Variants in PRKN observed in about 807,000 individuals in gnomAD.
PRKN encodes the protein parkin RBR E3 ubiquitin protein ligase, also known as E3 ubiquitin-protein ligase parkin.
A neutral mutation model predicts 59.5 loss-of-function variants in PRKN; 56 were observed. The observed-to-expected ratio is 0.94, with a 90% CI of 0.76 to 1.18. The LOEUF (loss-of-function observed/expected upper bound fraction) is 1.18. Among genes scored for constraint, PRKN ranks in the 50% most tolerant of loss-of-function variants. The pLI, the probability that PRKN is intolerant of heterozygous loss-of-function variation, is 0.00. For synonymous variants in PRKN, 250 were observed against 222.1 expected, an observed-to-expected ratio of 1.13 and a Z score of -1.12; for missense variants, 657 against 596.4, an observed-to-expected ratio of 1.10 and a Z score of -1.06.
intron 1 of PRKN, among the ~76,000 whole-genome samples, chr6:162,498,393 CTTTTTTTTTTTTT>C (rs60024002): frequency 9.3e-5 from 2 of 21,564 alleles, no homozygotes; most frequent in Non-Finnish European, 1.9e-4. Context: ...TCTTTCTTTC[CTTTTTTTTTTTTT>C]TTTTTTTTTG....
At chr6:162,023,099 T>G (rs113457354) in intron 5 of PRKN, among the ~76,000 whole-genome samples, 4,527 of 152,010 alleles carry the variant, frequency 0.03, 230 homozygotes, top group African/African-American at 0.1. Flanking sequence ...GGCTTGCTTC[T>G]TCAGAGCCCT....
At chr6:161,877,907 A>T (rs182810120) in intron 6 of PRKN, among the ~76,000 whole-genome samples, 37 of 151,968 alleles carry the variant, frequency 2.4e-4, no homozygotes, top group African/African-American at 8.7e-4. Flanking sequence ...ACAGTGACAC[A>T]CTCCCATATA....
chr6:161,789,462 T>A (rs577040807), intron 6 of PRKN, among the ~76,000 whole-genome samples: 1 of 152,182 alleles, frequency 6.6e-6, no homozygotes, highest in East Asian at 1.9e-4. Flanking sequence ...TACACCTAGA[T>A]GCATGCTCTT....
At chr6:162,473,544 C>T (rs1791862348) in intron 1 of PRKN, among the ~76,000 whole-genome samples, 1 of 151,758 alleles carries the variant, frequency 6.6e-6, no homozygotes, top group South Asian at 2.1e-4. Flanking sequence ...TTCTGGTGGC[C>T]ATGATAAAAA....
In PRKN at chr6:161,593,792, T is replaced by G. The variant is rs780274911; in HGVS notation, c.872-24376A>C. Reference sequence around the variant, plus strand: ...GTAGCCAAGAGAAGAAGGTGAGTGTTTGGAGAGTAGAGAGTGACACACCAA... The same window carrying G: ...GTAGCCAAGAGAAGAAGGTGAGTGTGTGGAGAGTAGAGAGTGACACACCAA... On this transcript the variant is annotated intron_variant, in intron 7 of 11. Transcript: ENST00000366898. The surrounding 1 kb of genome is among the most constrained non-coding windows in gnomAD (Gnocchi z 4.8). 6.6e-6 allele frequency among the ~76,000 whole-genome samples: 1 copy of G among 151,862 alleles called. No homozygotes were observed. Among genetic ancestry groups the G allele is most frequent in the Non-Finnish European group, 1.5e-5 (1 of 67,932 alleles).
intron 7 of PRKN, among the ~76,000 whole-genome samples, chr6:161,577,691 T>A (rs1781185172): frequency 6.6e-6 from 1 of 152,326 alleles, no homozygotes; most frequent in East Asian, 1.9e-4. Flanking sequence ...CAGCATAGTG[T>A]GTATGAAGCT....
At chr6:162,645,773 G>A (rs979951269) in intron 1 of PRKN, among the ~76,000 whole-genome samples, 3 of 151,180 alleles carry the variant, frequency 2.0e-5, no homozygotes, top group Non-Finnish European at 4.4e-5. Context: ...TACTCTACGT[G>A]TCTTCTCAAA....
chr6:162,055,147 G>C (rs1347739340), intron 4 of PRKN, among the ~76,000 whole-genome samples: 4 of 152,112 alleles, frequency 2.6e-5, no homozygotes, highest in Non-Finnish European at 4.4e-5. Context: ...GGGTGACATA[G>C]CAAGACTCCA....
intron 2 of PRKN, among the ~76,000 whole-genome samples, chr6:162,366,962 C>G (rs1020795552): frequency 9.9e-5 from 15 of 152,106 alleles, no homozygotes; most frequent in Non-Finnish European, 2.1e-4. Flanking sequence ...CCCTCATACT[C>G]TTTTGTATAC....
At chr6:161,794,939 C>T (rs893323764) in intron 6 of PRKN, among the ~76,000 whole-genome samples, 44 of 152,014 alleles carry the variant, frequency 2.9e-4, no homozygotes, top group African/African-American at 1.1e-3. Flanking sequence ...GGCTGGAGTG[C>T]AGTGGCGCGA....
intron 7 of PRKN, among the ~76,000 whole-genome samples, chr6:161,760,585 T>C (rs947843269): frequency 3.3e-5 from 5 of 151,976 alleles, no homozygotes; most frequent in African/African-American, 1.2e-4. Context: ...GACTCTGGCC[T>C]AGCGAGAGTC....
intron 7 of PRKN, among the ~76,000 whole-genome samples, chr6:161,595,710 T>C (rs1386451606): frequency 6.6e-6 from 1 of 152,142 alleles, no homozygotes; most frequent in Non-Finnish European, 1.5e-5. Context: ...GGCAGGGAAG[T>C]AGAACCTACC....
chr6:162,213,130 A>G (rs1416330877), intron 3 of PRKN, among the ~76,000 whole-genome samples: 1 of 152,166 alleles, frequency 6.6e-6, no homozygotes, highest in South Asian at 2.1e-4. Context: ...CTTGTCTGCA[A>G]AAAGGATTGG....
rs1781758982 is a variant in PRKN at position 161,592,475 on chromosome 6, C to T, written c.872-23059G>A. 6.6e-6 allele frequency among the ~76,000 whole-genome samples: 1 copy of T among 152,040 alleles called. No individual in the cohort carries two copies. Among genetic ancestry groups the T allele is most frequent in the African/African-American group, 2.4e-5 (1 of 41,370 alleles). On this transcript the variant is annotated intron_variant, in intron 7 of 11. Coordinates refer to ENST00000366898, the MANE Select transcript of PRKN (RefSeq NM_004562.3). The surrounding 1 kb of genome is among the most constrained non-coding windows in gnomAD (Gnocchi z 4.8). ...TGATGATATTAATGTTCTGATTATG[C>T]CTATATTCCTTCTACAAATATATAT...
chr6:161,385,214 C>T lies in PRKN; in HGVS notation c.1167+1580G>A, dbSNP rs1786184985. ...AAGTGCTGGGATTACAGGCATAAGC[C>T]ACCTCGCCCGGCCGGGAAATATACT... On this transcript the variant is annotated intron_variant, in intron 10 of 11. Transcript: ENST00000366898. This position sits in a 1 kb window ranked among gnomAD's most constrained non-coding sequence, Gnocchi z 4.9. Among the ~76,000 whole-genome samples, 1 of 152,108 alleles carries T rather than the reference C, an allele frequency of 6.6e-6. No individual in the cohort carries two copies. Among genetic ancestry groups the T allele is most frequent in the Non-Finnish European group, 1.5e-5 (1 of 68,028 alleles).
At chr6:162,143,988 AAGAC>A (rs1355306265) in intron 4 of PRKN, among the ~76,000 whole-genome samples, 2 of 152,330 alleles carry the variant, frequency 1.3e-5, no homozygotes, top group Admixed American at 1.3e-4. Flanking sequence ...TTGATTGAAT[AAGAC>A]ATTATAAAAA....
At chr6:161,422,334 G>A (rs1788142353) in intron 9 of PRKN, among the ~76,000 whole-genome samples, 1 of 151,846 alleles carries the variant, frequency 6.6e-6, no homozygotes. Context: ...AAGCAGCTGG[G>A]ACTACAGGCA....
intron 6 of PRKN, among the ~76,000 whole-genome samples, chr6:161,952,344 G>A (rs1455998314): frequency 6.6e-6 from 1 of 152,092 alleles, no homozygotes; most frequent in Non-Finnish European, 1.5e-5. Context: ...TCGGCCAGGC[G>A]CCGTGGCTCA....
intron 2 of PRKN, among the ~76,000 whole-genome samples, chr6:162,368,604 G>T (rs1166792579): frequency 1.3e-5 from 2 of 152,158 alleles, no homozygotes; most frequent in East Asian, 3.9e-4. Context: ...TCAGAGCTGG[G>T]TTGGCAGTGA....
Sources: gnomAD v4.1 joint callset for allele counts (sites outside exome capture counted in the v4.1 genomes callset) on GRCh38, gnomAD v4.1.1 for gene constraint, Gnocchi (gnomAD v3.1) non-coding constraint, MANE v1.5 for transcripts, NCBI Gene and HGNC (gene_info 2026-07-23, HGNC 2026-07-21) for gene names.